The following DDAH1 variants were observed in gnomAD, a reference collection of about 807,000 sequenced individuals.
DDAH1 encodes N(G),N(G)-dimethylarginine dimethylaminohydrolase 1.
A neutral mutation model predicts 28.8 loss-of-function variants in DDAH1; 19 were observed. That is an observed-to-expected ratio of 0.66 (90% CI 0.46 to 0.97). The LOEUF (loss-of-function observed/expected upper bound fraction) is 0.97. Ranked by LOEUF, DDAH1 falls within the 50% of genes least tolerant of loss-of-function variation. The probability of loss-of-function intolerance (pLI) is 0.00; values close to 1 mark genes in which losing one functional copy is unlikely to be tolerated. For synonymous variants in DDAH1, 153 were observed against 154.4 expected (o/e 0.99, Z 0.07); for missense variants, 326 against 375.9 (o/e 0.87, Z 1.10).
At chr1:85,489,020 T>C (rs1437714872) in intron 2 of DDAH1, among the ~76,000 whole-genome samples, 1 of 152,222 alleles carries the variant, frequency 6.6e-6, no homozygotes, top group East Asian at 1.9e-4. Flanking sequence ...TCACTACTTA[T>C]AAACAATAGT....
intron 1 of DDAH1, among the ~76,000 whole-genome samples, chr1:85,444,601 T>C (rs1430594732): frequency 6.6e-6 from 1 of 152,144 alleles, no homozygotes; most frequent in African/African-American, 2.4e-5. Flanking sequence ...CCCCACAGGG[T>C]AGGTCCTGAG....
intron 1 of DDAH1, among the ~76,000 whole-genome samples, chr1:85,515,804 A>AC (rs147825734): frequency 1.3e-5 from 2 of 151,678 alleles, no homozygotes; most frequent in African/African-American, 2.4e-5. Flanking sequence ...TAAAAAAAAA[A>AC]CCTGGATTTA....
At chr1:85,476,910 T>G (rs1429388562) in intron 2 of DDAH1, among the ~76,000 whole-genome samples, 3 of 152,206 alleles carry the variant, frequency 2.0e-5, no homozygotes, top group African/African-American at 4.8e-5. Context: ...CACTAGTCAC[T>G]GACTAGTAGT....
At chr1:85,504,679 T>G (rs928335108) in intron 1 of DDAH1, among the ~76,000 whole-genome samples, 1 of 152,128 alleles carries the variant, frequency 6.6e-6, no homozygotes, top group Non-Finnish European at 1.5e-5. Flanking sequence ...CTCTTCTAGA[T>G]GAAAAAATCA....
chr1:85,541,607 A>G (rs1658472632), intron 1 of DDAH1, among the ~76,000 whole-genome samples: 1 of 152,196 alleles, frequency 6.6e-6, no homozygotes, highest in African/African-American at 2.4e-5. Context: ...AAAACCCTTC[A>G]TTTGGGTGGT....
chr1:85,501,207 G>A (rs772972511), intron 1 of DDAH1, among the ~76,000 whole-genome samples: 4 of 152,142 alleles, frequency 2.6e-5, no homozygotes. Flanking sequence ...ATTTACTAGT[G>A]GAGAAGCTTA....
chr1:85,493,442 C>G (rs1656473815), intron 2 of DDAH1: 1 of 152,004 alleles, frequency 6.6e-6, no homozygotes, highest in Non-Finnish European at 1.5e-5. Flanking sequence ...AATCTGAAGC[C>G]AACTATTGAA....
chr1:85,535,253 C>T (rs1391931418), intron 1 of DDAH1, among the ~76,000 whole-genome samples: 6 of 151,592 alleles, frequency 4.0e-5, no homozygotes, highest in Admixed American at 3.3e-4. Flanking sequence ...TGGGCAGCAC[C>T]AGATTTAAAC....
intron 4 of DDAH1, among the ~76,000 whole-genome samples, chr1:85,345,010 T>C (rs745930789): frequency 8.5e-5 from 13 of 152,214 alleles, no homozygotes; most frequent in Admixed American, 3.3e-4. Context: ...ATGTAACATA[T>C]ATATTTTTCC....
Position 85,464,605 on chromosome 1 carries a change from C to T in DDAH1, c.303+138G>A. 6.5e-7 allele frequency: 1 copy of T among 1,526,876 alleles called. No individual in the cohort carries two copies. The highest frequency in any genetic ancestry group is 8.8e-7 in the Non-Finnish European group (1 of 1,141,558). 94.6% of individuals were successfully genotyped at this position (1,526,876 alleles called of 1,614,324 possible). On this transcript the variant is annotated intron_variant, in intron 1 of 5. Transcript: ENST00000284031. The surrounding 1 kb of genome is among the most constrained non-coding windows in gnomAD (Gnocchi z 4.4). ...TGACTCTCTGACACACACACACACACACACACTCGCCCCCCGACGGGAAGT... is the reference window on the plus strand; with the variant it reads ...TGACTCTCTGACACACACACACACATACACACTCGCCCCCCGACGGGAAGT...
intron 1 of DDAH1, among the ~76,000 whole-genome samples, chr1:85,576,269 G>T (rs1659601150): frequency 6.6e-6 from 1 of 152,136 alleles, no homozygotes; most frequent in African/African-American, 2.4e-5. Flanking sequence ...GGCCCTGAAA[G>T]GAGCTGCTCT....
intron 1 of DDAH1, among the ~76,000 whole-genome samples, chr1:85,422,552 T>C (rs1219681309): frequency 3.3e-5 from 5 of 152,230 alleles, no homozygotes; most frequent in Non-Finnish European, 1.5e-5. Context: ...TGGTGTATGA[T>C]CCATTTTGCA....
intron 1 of DDAH1, among the ~76,000 whole-genome samples, chr1:85,569,667 T>C (rs1287745444): frequency 1.3e-5 from 2 of 152,220 alleles, no homozygotes; most frequent in African/African-American, 4.8e-5. Flanking sequence ...ATTTGCAGGA[T>C]GGCCCAGCTA....
rs1454133634 is a variant in DDAH1, at chr1:85,345,734, G to A, written c.597+4681C>T. On this transcript the variant is annotated intron_variant, in intron 4 of 5. Coordinates refer to ENST00000284031, the MANE Select transcript of DDAH1 (RefSeq NM_012137.4). ...TCAAAAATTAGCTGGGCGTGGTGGCGGGTGCCTATAATCCCAGTTACTCAG... is the reference window on the plus strand; with the variant it reads ...TCAAAAATTAGCTGGGCGTGGTGGCAGGTGCCTATAATCCCAGTTACTCAG... 9.1e-4 allele frequency among the ~76,000 whole-genome samples: 138 copies of A among 152,060 alleles called. 1 individual carries two copies. Among genetic ancestry groups the A allele is most frequent in the Non-Finnish European group, 1.3e-4 (9 of 68,022 alleles).
chr1:85,507,527 T>TAAAATAAATAAACAAAC (rs71075841), intron 1 of DDAH1, among the ~76,000 whole-genome samples: 1 of 149,254 alleles, frequency 6.7e-6, no homozygotes, highest in Non-Finnish European at 1.5e-5. Flanking sequence ...AATAAATAAA[T>TAAAATAAATAAACAAAC]AAACAAACAA....
rs202090758 is a variant in DDAH1 at position 85,560,527 on chromosome 1, T to C, written c.-123+17457A>G. Among the ~76,000 whole-genome samples the C allele has an allele frequency of 5.3e-5, 8 of 152,134 alleles. No homozygotes were observed. In the East Asian group the frequency reaches 1.5e-3, roughly 29 times the overall value. On this transcript the variant is annotated intron_variant, in intron 1 of 6. Coordinates refer to the DDAH1 transcript ENST00000426972. The stretch of plus-strand genomic sequence containing the variant: ...ATATGATGCAATAGCACAAAGACTC[T>C]TGGGGGAAAATGAAAATATATTATT...
chr1:85,434,682 A>G (rs1016048437), intron 1 of DDAH1, among the ~76,000 whole-genome samples: 2 of 152,110 alleles, frequency 1.3e-5, no homozygotes, highest in Non-Finnish European at 2.9e-5. Context: ...ATTAGCCACC[A>G]TGCCTGGCCT....
chr1:85,404,874 G>C (rs1652333555), intron 1 of DDAH1, among the ~76,000 whole-genome samples: 1 of 152,154 alleles, frequency 6.6e-6, no homozygotes, highest in Admixed American at 6.6e-5. Flanking sequence ...AGTTCATGTG[G>C]ACTTTCTTTG....
intron 1 of DDAH1, among the ~76,000 whole-genome samples, chr1:85,511,857 A>G (rs1657247044): frequency 6.6e-6 from 1 of 152,250 alleles, no homozygotes; most frequent in African/African-American, 2.4e-5. Context: ...GCAATAATCA[A>G]TAGCCTACCA....
Sources: gnomAD v4.1 joint callset for allele counts (sites outside exome capture counted in the v4.1 genomes callset) on GRCh38, gnomAD v4.1.1 for gene constraint, Gnocchi (gnomAD v3.1) non-coding constraint, MANE v1.5 for transcripts, NCBI Gene and HGNC (gene_info 2026-07-23, HGNC 2026-07-21) for gene names.